Variants in SEPTIN1 observed in about 807,000 individuals in gnomAD.
SEPTIN1 encodes the protein septin-1.
In SEPTIN1, 52 loss-of-function variants were observed where a neutral mutation model predicts 50.7. The ratio of observed to expected loss-of-function variants is 1.03; its 90% CI spans 0.82 to 1.29. The LOEUF (loss-of-function observed/expected upper bound fraction) is 1.29. Among genes scored for constraint, SEPTIN1 ranks in the 50% most tolerant of loss-of-function variants. The probability of loss-of-function intolerance (pLI) is 0.00; values close to 1 mark genes in which losing one functional copy is unlikely to be tolerated. For missense variants in SEPTIN1, 455 were observed against 490.7 expected, an observed-to-expected ratio of 0.93 and a Z score of 0.69; for synonymous variants, 204 against 189.1, an observed-to-expected ratio of 1.08 and a Z score of -0.65.
chr16:30,382,078 T>G lies in SEPTIN1; in HGVS notation c.196+15A>C, dbSNP rs1217780161. ...GACAGGGGCTACTGCCTCAAGAGGGTGGGGAGGGTCTTACCACTGGCCTCT... is the reference window on the plus strand; with the variant it reads ...GACAGGGGCTACTGCCTCAAGAGGGGGGGGAGGGTCTTACCACTGGCCTCT... On this transcript the variant is annotated intron_variant, in intron 3 of 10. Transcript: ENST00000321367. The surrounding 1 kb of genome is among the most constrained non-coding windows in gnomAD (Gnocchi z 4.8). The G allele has an allele frequency of 1.1e-5, 17 of 1,577,030 alleles. No individual in the cohort carries two copies. The highest frequency in any genetic ancestry group is 1.5e-5 in the Non-Finnish European group (17 of 1,160,988).
chr16:30,378,149 T>C lies in SEPTIN1; in HGVS notation c.*285A>G, dbSNP rs2049774605. 3 of 714,732 alleles carry C rather than the reference T, an allele frequency of 4.2e-6. No homozygotes were observed. In the South Asian group the frequency reaches 4.5e-5, roughly 11 times the overall value. 44.3% of individuals were successfully genotyped at this position (714,732 alleles called of 1,614,324 possible). On this transcript the variant is annotated 3_prime_UTR_variant, in exon 11 of 11. Transcript: ENST00000321367. ...GAAGGCTCGCGTGGCCGCGGGAAGC[T>C]CAGTTTTTATTGAAGACAGAGTCTG...
In SEPTIN1 at chr16:30,378,206, T is replaced by C. The variant is rs778619414; in HGVS notation, c.*228A>G. On this transcript the variant is annotated 3_prime_UTR_variant, in exon 11 of 11. Coordinates refer to ENST00000321367, the MANE Select transcript of SEPTIN1 (RefSeq NM_001365977.2). ...GAAGGGGGACTCCGGAAGACAGTGATGCGGTCGGAGATTGTGCAGGCCCCG... is the reference window on the plus strand; with the variant it reads ...GAAGGGGGACTCCGGAAGACAGTGACGCGGTCGGAGATTGTGCAGGCCCCG... 3 of 688,610 alleles carry C rather than the reference T, an allele frequency of 4.4e-6. No individual in the cohort carries two copies. Among genetic ancestry groups the C allele is most frequent in the African/African-American group, 1.8e-5 (1 of 55,890 alleles). The allele number at this position is 688,610 out of a possible 1,614,324, so 42.7% of individuals were successfully genotyped here.
At position 30,378,343 on chromosome 16, in the gene SEPTIN1, T is replaced by G. The variant is rs867384239; in HGVS notation, c.*91A>C. ...CGCGCGAGGGCGGCACCCGCGGAGG[T>G]CCCGGGGGGCGCTGGGCAGTGTGGG... On this transcript the variant is annotated 3_prime_UTR_variant, in exon 11 of 11. Transcript: ENST00000321367. 1 of 1,261,624 alleles carries G rather than the reference T, an allele frequency of 7.9e-7. No homozygotes were observed. Among genetic ancestry groups the G allele is most frequent in the East Asian group, 2.6e-5 (1 of 38,672 alleles). The allele number at this position is 1,261,624 out of a possible 1,614,324, so 78.2% of individuals were successfully genotyped here.
At position 30,382,425 on chromosome 16, in the gene SEPTIN1, C is replaced by T; in HGVS notation, c.19-60G>A. The T allele has an allele frequency of 7.0e-6, 11 of 1,566,956 alleles. No individual in the cohort carries two copies. The highest frequency in any genetic ancestry group is 9.6e-6 in the Non-Finnish European group (11 of 1,145,314). Reference sequence around the variant, plus strand: ...CAATGGCAGGCAGGGTCCCCAGGATCACTTGAGTTCCTGGGCTAGGAAGAG... The same window carrying T: ...CAATGGCAGGCAGGGTCCCCAGGATTACTTGAGTTCCTGGGCTAGGAAGAG... On this transcript the variant is annotated intron_variant, in intron 1 of 10. Transcript: ENST00000321367. This position sits in a 1 kb window ranked among gnomAD's most constrained non-coding sequence, Gnocchi z 4.8.
chr16:30,380,914 G>A, intron 6 of SEPTIN1: 1 of 598,792 alleles, frequency 1.7e-6, no homozygotes, highest in African/African-American at 1.8e-5. Context: ...CCTCAGCCAG[G>A]CATCTAGCCC....
Position 30,378,628 on chromosome 16 carries a change from G to A in SEPTIN1, c.1014C>T (p.Ile338=). The A allele has an allele frequency of 6.2e-7, 1 of 1,611,374 alleles. No individual in the cohort carries two copies. The highest frequency in any genetic ancestry group is 8.5e-7 in the Non-Finnish European group (1 of 1,179,944). The part of the protein sequence containing the change: ...MLPLADTEKL[I]REKDEELRRM... ...TGCTCACCTCTTCGTCTTTCTCGCG[G>A]ATCAGCTTCTCGGTGTCCGCCAGAG... Residue 338 remains isoleucine, a synonymous_variant, in exon 10 of 11, where the codon ATC becomes ATT. Transcript: ENST00000321367.
At chr16:30,380,797 C>T (rs766392687) in intron 6 of SEPTIN1, 2 of 333,674 alleles carry the variant, frequency 6.0e-6, no homozygotes, top group East Asian at 6.9e-5. Flanking sequence ...AAAGAGAGGC[C>T]GAGAGAGATA....
rs2049843061 is a variant in SEPTIN1 at position 30,381,236 on chromosome 16, G to A, written c.464C>T (p.Pro155Leu). ...FISPFGRGLR[P>L]LDVAFLRAVH... ...TGCCCGGAGGAAGGCCACATCTAGG[G>A]GCCGGAGCCTGCACCCAGGGATTGG... The change falls in exon 6 of 11, where the codon CCC (proline) becomes CTC (leucine). Residue 155 changes from proline (P) to leucine (L), a missense_variant. Pro to Leu is a moderately conservative substitution (Grantham distance 98, BLOSUM62 -3). Transcript: ENST00000321367. This position sits in a 1 kb window ranked among gnomAD's most constrained non-coding sequence, Gnocchi z 4.3. 2.5e-6 allele frequency: 4 copies of A among 1,614,026 alleles called. No individual in the cohort carries two copies. In the East Asian group the frequency reaches 8.9e-5, roughly 36 times the overall value.
chr16:30,379,638 C>CAATTTT, intron 7 of SEPTIN1, 104 bp from the exon 8 acceptor site: 1 of 295,694 alleles, frequency 3.4e-6, no homozygotes, highest in Non-Finnish European at 5.7e-6. Context: ...CTGCCCCTTC[C>CAATTTT]TCTTTTTTTT....
Position 30,381,023 on chromosome 16 carries a change from T to C in SEPTIN1, c.573+104A>G. The C allele has an allele frequency of 2.2e-6, 2 of 928,362 alleles. No individual in the cohort carries two copies. The highest frequency in any genetic ancestry group is 3.5e-6 in the Non-Finnish European group (2 of 563,838). 57.5% of individuals were successfully genotyped at this position (928,362 alleles called of 1,614,324 possible). A position where few individuals can be genotyped will look rare whatever the true frequency, so the allele number is the denominator to read the frequency against. ...CAGAAGCTTCTCCTACAATCTAGCCTGATGCACCATGCTCCAGAAAGGCCA... is the reference window on the plus strand; with the variant it reads ...CAGAAGCTTCTCCTACAATCTAGCCCGATGCACCATGCTCCAGAAAGGCCA... On this transcript the variant is annotated intron_variant, in intron 6 of 10. Coordinates refer to ENST00000321367, the MANE Select transcript of SEPTIN1 (RefSeq NM_001365977.2). This position sits in a 1 kb window ranked among gnomAD's most constrained non-coding sequence, Gnocchi z 4.3.
rs1305880725 is a variant in SEPTIN1 at position 30,379,142 on chromosome 16, T to C, written c.817A>G (p.Met273Val). 1.2e-6 allele frequency: 2 copies of C among 1,614,070 alleles called. No individual in the cohort carries two copies. Among genetic ancestry groups the C allele is most frequent in the Non-Finnish European group, 1.7e-6 (2 of 1,179,972 alleles). The stretch of plus-strand genomic sequence containing the variant: ...TCCTGCAGGTGTGTCTGCACCAGCA[T>C]CCGTCGCAGGTTCAGGAAATCGCAG... ...HHCDFLNLRRMLVQTHLQDLK... is the reference protein window; with the variant it reads ...HHCDFLNLRRVLVQTHLQDLK... The change falls in exon 9 of 11, where the codon ATG (methionine) becomes GTG (valine). Residue 273 changes from methionine to valine, a missense_variant. Physicochemically the swap from Met to Val is conservative, Grantham distance 21. Transcript: ENST00000321367.
intron 9 of SEPTIN1, 26 bp from the exon 10 acceptor site, chr16:30,378,726 G>C: frequency 6.3e-7 from 1 of 1,598,824 alleles, no homozygotes; most frequent in South Asian, 1.1e-5. Flanking sequence ...AAGGGGACAG[G>C]AATCAGGAGC....
In SEPTIN1 at chr16:30,378,446, T is replaced by C; in HGVS notation, c.1107A>G (p.Ser369=). 2.5e-6 allele frequency: 4 copies of C among 1,572,654 alleles called. No homozygotes were observed. The highest frequency in any genetic ancestry group is 2.6e-6 in the Non-Finnish European group (3 of 1,167,046). The part of the protein sequence containing the change: ...MQQSQAQGEQ[S]DAL The stretch of plus-strand genomic sequence containing the variant: ...GCGGGGCGTGGCCTCAGAGGGCGTC[T>C]GACTGCTCGCCCTGGGCCTGGCTCT... Residue 369 remains serine (S), a synonymous_variant, in exon 11 of 11, where the codon TCA becomes TCG. Transcript: ENST00000321367.
chr16:30,379,054 A>G lies in SEPTIN1; in HGVS notation c.905T>C (p.Leu302Pro), dbSNP rs2049799741. Residue 302 changes from leucine (L) to proline (P), a missense_variant, in exon 9 of 11, where the codon CTG becomes CCG. Coordinates refer to ENST00000321367, the MANE Select transcript of SEPTIN1 (RefSeq NM_001365977.2). ...TCGATCGCGAGCCCCAGGCCGGGCC[A>G]GGCTCTGTAGGCAGCGGGCCCGGTA... The part of the protein sequence containing the change: ...EGYRARCLQS[L>P]ARPGARDRAS... 6.2e-7 allele frequency: 1 copy of G among 1,613,806 alleles called. No individual in the cohort carries two copies. The highest frequency in any genetic ancestry group is 2.2e-5 in the East Asian group (1 of 44,834).
Position 30,379,158 on chromosome 16 carries a change from G to A in SEPTIN1, c.801C>T (p.Phe267=). 6.2e-7 allele frequency: 1 copy of A among 1,614,152 alleles called. No homozygotes were observed. The highest frequency in any genetic ancestry group is 1.1e-5 in the South Asian group (1 of 91,086). The change falls in exon 9 of 11, where the codon TTC becomes TTT. Residue 267 remains phenylalanine (F), a synonymous_variant. Coordinates refer to ENST00000321367, the MANE Select transcript of SEPTIN1 (RefSeq NM_001365977.2). ...GCACCAGCATCCGTCGCAGGTTCAG[G>A]AAATCGCAGTGATGTGGGTTCTCCA... The part of the protein sequence containing the change: ...VEVENPHHCD[F]LNLRRMLVQT...
At chr16:30,382,597 G>T (rs778087030), upstream of SEPTIN1, 4 of 1,558,522 alleles carry the variant, frequency 2.6e-6, no homozygotes, top group Non-Finnish European at 3.5e-6. This position sits in a 1 kb window ranked among gnomAD's most constrained non-coding sequence, Gnocchi z 4.8. Context: ...AGCTGAGTGC[G>T]GCTAACAAGG....
At position 30,378,428 on chromosome 16, in the gene SEPTIN1, G is replaced by A; in HGVS notation, c.*6C>T. On this transcript the variant is annotated 3_prime_UTR_variant, in exon 11 of 11. Transcript: ENST00000321367. ...GAGCCGAGGTAAGGCCGGGCGGGGC[G>A]TGGCCTCAGAGGGCGTCTGACTGCT... 6.4e-7 allele frequency: 1 copy of A among 1,564,232 alleles called. No individual in the cohort carries two copies.
chr16:30,381,146 G>A lies in SEPTIN1; in HGVS notation c.554C>T (p.Thr185Ile), dbSNP rs1162983322. The A allele has an allele frequency of 1.2e-6, 2 of 1,613,972 alleles. No homozygotes were observed. The highest frequency in any genetic ancestry group is 8.5e-7 in the Non-Finnish European group (1 of 1,179,880). The change falls in exon 6 of 11, where the codon ACC becomes ATC. Residue 185 changes from threonine (T) to isoleucine (I), a missense_variant. Transcript: ENST00000321367. The surrounding 1 kb of genome is among the most constrained non-coding windows in gnomAD (Gnocchi z 4.3). ...GKADALMPQE[T>I]QALKQKIRDQ... ...TCACACCTTCTGCTTGAGGGCCTGG[G>A]TTTCCTGGGGCATCAGAGCATCCGC...
In SEPTIN1 at chr16:30,378,491, C is replaced by T; in HGVS notation, c.1062G>A (p.Lys354=). The change falls in exon 11 of 11, where the codon AAG becomes AAA. Residue 354 remains lysine, a synonymous_variant. Coordinates refer to ENST00000321367, the MANE Select transcript of SEPTIN1 (RefSeq NM_001365977.2). ...GGCTCTGCTGCATTTGGGCCTGCAT[C>T]TTCTCCAGCATCTCTTGCATGCGGC... ...ELRRMQEMLE[K]MQAQMQQSQA... 1 of 1,578,232 alleles carries T rather than the reference C, an allele frequency of 6.3e-7. No homozygotes were observed. Among genetic ancestry groups the T allele is most frequent in the Non-Finnish European group, 8.6e-7 (1 of 1,162,528 alleles).
Sources: gnomAD v4.1 joint callset for allele counts on GRCh38, gnomAD v4.1.1 for gene constraint, Gnocchi (gnomAD v3.1) non-coding constraint, MANE v1.5 for transcripts, NCBI Gene and HGNC (gene_info 2026-07-23, HGNC 2026-07-21) for gene names.